The following PCNX2 variants were observed in gnomAD, a reference collection of about 807,000 sequenced individuals.
PCNX2 encodes pecanex 2.
In PCNX2, 168 loss-of-function variants were observed where a neutral mutation model predicts 223.8. The observed-to-expected ratio is 0.75, with a 90% CI of 0.66 to 0.85. The LOEUF (loss-of-function observed/expected upper bound fraction) is 0.85. Among genes scored for constraint, PCNX2 ranks in the 40% least tolerant of loss-of-function variants. PCNX2 has a pLI of 0.00. For synonymous variants in PCNX2, 1,006 were observed against 1,052.6 expected (o/e 0.96, Z 0.86); for missense variants, 2,507 against 2,675.5 (o/e 0.94, Z 1.39).
intron 23 of PCNX2, among the ~76,000 whole-genome samples, chr1:233,084,084 C>A (rs956170919): frequency 1.3e-5 from 2 of 152,146 alleles, no homozygotes; most frequent in Admixed American, 6.5e-5. Flanking sequence ...TCTTTTGGTG[C>A]GTATGACTTC....
intron 22 of PCNX2, 88 bp downstream of exon 22, chr1:233,095,667 T>A: frequency 8.3e-7 from 1 of 1,205,978 alleles, no homozygotes; most frequent in East Asian, 2.5e-5. Context: ...GACTTTAAAA[T>A]CTTTTTATTG....
Position 233,129,541 on chromosome 1 carries a change from G to A in PCNX2, c.3837+5472C>T, listed in dbSNP as rs531607146. Among the ~76,000 whole-genome samples the A allele has an allele frequency of 7.2e-5, 11 of 152,346 alleles. No individual in the cohort carries two copies. The East Asian group carries it at 1.4e-3, about 19-fold the overall frequency. ...GGGACTGGCAGGCAGCTCCACCTGC[G>A]GCCTCAGTGTGGGATCCACTGGGTG... is the stretch of plus-strand genomic sequence containing the variant. On this transcript the variant is annotated intron_variant, in intron 21 of 33. Coordinates refer to ENST00000258229, the MANE Select transcript of PCNX2 (RefSeq NM_014801.4).
At chr1:233,186,399 T>C (rs566445021) in intron 15 of PCNX2, among the ~76,000 whole-genome samples, 1 of 151,982 alleles carries the variant, frequency 6.6e-6, no homozygotes, top group East Asian at 1.9e-4. Context: ...TAGGGAAAGA[T>C]GTGTCACCCA....
chr1:233,021,972 C>T (rs976972230), intron 26 of PCNX2, among the ~76,000 whole-genome samples: 2 of 152,164 alleles, frequency 1.3e-5, no homozygotes, highest in Non-Finnish European at 2.9e-5. Flanking sequence ...CATGGAACCT[C>T]CAAGGCCTCT....
At chr1:233,294,495 C>T (rs989671593) in intron 1 of PCNX2, among the ~76,000 whole-genome samples, 1 of 151,992 alleles carries the variant, frequency 6.6e-6, no homozygotes, top group African/African-American at 2.4e-5. Flanking sequence ...AACTCATTGA[C>T]GATTTTTGCT....
intron 5 of PCNX2, 145 bp from the exon 6 acceptor site, chr1:233,252,933 C>T (rs1392169819): frequency 3.4e-6 from 3 of 874,404 alleles, no homozygotes; most frequent in Non-Finnish European, 5.0e-6. Flanking sequence ...AATAATTTTT[C>T]ATTTTTTTAA....
chr1:233,223,406 G>A (rs1657509162), intron 10 of PCNX2, among the ~76,000 whole-genome samples: 1 of 152,182 alleles, frequency 6.6e-6, no homozygotes. Context: ...AAGAGGAGCA[G>A]AGAAACAGGA....
chr1:233,058,476 C>G (rs1029401535), intron 23 of PCNX2: 1 of 152,098 alleles, frequency 6.6e-6, no homozygotes, highest in African/African-American at 2.4e-5. Context: ...TTTATTATCA[C>G]CTACAAAATG....
At chr1:233,142,436 C>G (rs1313506187) in intron 19 of PCNX2, among the ~76,000 whole-genome samples, 1 of 152,196 alleles carries the variant, frequency 6.6e-6, no homozygotes, top group Admixed American at 6.5e-5. Flanking sequence ...AAGCTCCATC[C>G]ATGTCCTGCA....
chr1:233,161,728 T>C (rs1166922072), intron 17 of PCNX2, among the ~76,000 whole-genome samples: 1 of 152,086 alleles, frequency 6.6e-6, no homozygotes, highest in Non-Finnish European at 1.5e-5. Context: ...AGATATGAGA[T>C]TCCCAGAGAG....
chr1:232,997,135 T>C (rs1005241727), intron 32 of PCNX2, among the ~76,000 whole-genome samples: 1 of 152,182 alleles, frequency 6.6e-6, no homozygotes, highest in Non-Finnish European at 1.5e-5. Context: ...CTTTCCCCTT[T>C]AAATAATGAA....
At chr1:233,012,644 A>C (rs1346386733) in intron 28 of PCNX2, among the ~76,000 whole-genome samples, 3 of 152,162 alleles carry the variant, frequency 2.0e-5, no homozygotes, top group Non-Finnish European at 4.4e-5. Flanking sequence ...ATCAAAACAA[A>C]GTTTAAAAAA....
Position 233,146,713 on chromosome 1 carries a change from T to C in PCNX2, c.3518-6858A>G, listed in dbSNP as rs534850349. ...ATAAGCCAATCTCTTCCCAGTGCTA[T>C]TAGAAAAACATATGAATTAAAGGAA... On this transcript the variant is annotated intron_variant, in intron 19 of 33. Transcript: ENST00000258229. Among the ~76,000 whole-genome samples the C allele has an allele frequency of 7.2e-5, 11 of 152,354 alleles. No homozygotes were observed. The South Asian group carries it at 2.1e-3, about 29-fold the overall frequency.
intron 21 of PCNX2, among the ~76,000 whole-genome samples, chr1:233,111,910 G>A (rs868227047): frequency 5.3e-5 from 8 of 152,302 alleles, no homozygotes; most frequent in Middle Eastern, 3.4e-3. Context: ...CAAGCGCATA[G>A]GCTATAGGAG....
chr1:233,179,851 C>T (rs1268204507), intron 15 of PCNX2, among the ~76,000 whole-genome samples: 1 of 152,208 alleles, frequency 6.6e-6, no homozygotes, highest in African/African-American at 2.4e-5. Flanking sequence ...TTCCTTAAAC[C>T]TTTCATGAGC....
Position 233,259,101 on chromosome 1 carries a change from T to C in PCNX2, c.761A>G (p.Lys254Arg). The part of the protein sequence containing the change: ...EGGLVDKGPL[K>R]KLPHLSLSQY... ...AGACAAAGACAGGTGGGGCAACTTC[T>C]TCAAGGGTCCCTTATCCACTAAGCC... Residue 254 changes from lysine (K) to arginine (R), a missense_variant, in exon 5 of 34, where the codon AAG (lysine) becomes AGG (arginine). By Grantham distance (26) the Lys-to-Arg change is conservative. Transcript: ENST00000258229. 1 of 1,614,006 alleles carries C rather than the reference T, an allele frequency of 6.2e-7. No individual in the cohort carries two copies.
Position 233,000,035 on chromosome 1 carries a change from G to A in PCNX2, c.5328+270C>T, listed in dbSNP as rs994450892. ...GCTATATCCTGACTCTCACTTACAT[G>A]TGTGTCTACTGGGTCTTCTTGGCAA... On this transcript the variant is annotated intron_variant, in intron 30 of 33. Transcript: ENST00000258229. This position sits in a 1 kb window ranked among gnomAD's most constrained non-coding sequence, Gnocchi z 4.6. 2.0e-5 allele frequency among the ~76,000 whole-genome samples: 3 copies of A among 152,206 alleles called. No homozygotes were observed. Among genetic ancestry groups the A allele is most frequent in the Non-Finnish European group, 2.9e-5 (2 of 68,038 alleles).
chr1:233,053,613 T>A (rs6656136), intron 25 of PCNX2, among the ~76,000 whole-genome samples: 2 of 151,934 alleles, frequency 1.3e-5, no homozygotes, highest in African/African-American at 4.8e-5. Context: ...TCAGAAAACA[T>A]GCAATGAGTA....
chr1:233,051,032 T>G (rs1287074237), intron 25 of PCNX2, among the ~76,000 whole-genome samples: 1 of 152,044 alleles, frequency 6.6e-6, no homozygotes. Context: ...GAGATACTTC[T>G]CAAAAGAAGA....
Sources: allele counts gnomAD v4.1 joint callset (sites outside exome capture counted in the v4.1 genomes callset), GRCh38; gene constraint gnomAD v4.1.1; non-coding constraint Gnocchi (gnomAD v3.1); transcripts MANE v1.5; gene names NCBI Gene and HGNC (gene_info 2026-07-23, HGNC 2026-07-21).